CELF4: variants seen among roughly 807,000 people sequenced by gnomAD.
The protein encoded by CELF4 is CUG-BP- and ETR-3-like factor 4.
Under a neutral mutation model 59.9 loss-of-function variants are expected in CELF4, and 18 were observed. The ratio of observed to expected loss-of-function variants is 0.30; its 90% CI spans 0.21 to 0.45. The LOEUF (loss-of-function observed/expected upper bound fraction) is 0.45. Among genes scored for constraint, CELF4 ranks in the 20% least tolerant of loss-of-function variants. The pLI is 1.00. For synonymous variants in CELF4, 261 were observed against 267.1 expected (o/e 0.98, Z 0.22); for missense variants, 456 against 689.0 (o/e 0.66, Z 3.79).
At chr18:37,450,327 G>T (rs917169069) in intron 2 of CELF4, among the ~76,000 whole-genome samples, 3 of 151,766 alleles carry the variant, frequency 2.0e-5, no homozygotes, top group Non-Finnish European at 4.4e-5. Context: ...CCCTCTCTTT[G>T]TGCTATACGT....
intron 1 of CELF4, among the ~76,000 whole-genome samples, chr18:37,521,233 C>T (rs899760079): frequency 2.0e-5 from 3 of 152,048 alleles, no homozygotes; most frequent in Admixed American, 6.6e-5. Context: ...CTCTGAGGTC[C>T]GTGCCAAGTC....
At chr18:37,397,008 G>GCCACA (rs2099253332) in intron 2 of CELF4, among the ~76,000 whole-genome samples, 1 of 152,204 alleles carries the variant, frequency 6.6e-6, no homozygotes, top group Non-Finnish European at 1.5e-5. Flanking sequence ...CAAGCTATTG[G>GCCACA]TGTGCCTGCC....
chr18:37,535,201 C>T (rs1258834163), intron 1 of CELF4, among the ~76,000 whole-genome samples: 1 of 152,154 alleles, frequency 6.6e-6, no homozygotes, highest in Non-Finnish European at 1.5e-5. Context: ...ATTGGTGATT[C>T]TGGAATTAAA....
chr18:37,303,981 C>T (rs1359171092), intron 3 of CELF4, among the ~76,000 whole-genome samples: 1 of 152,232 alleles, frequency 6.6e-6, no homozygotes, highest in Non-Finnish European at 1.5e-5. Context: ...TGCCAGACAC[C>T]TGCCTAGGCC....
intron 2 of CELF4, among the ~76,000 whole-genome samples, chr18:37,373,989 C>A (rs1199280407): frequency 1.3e-5 from 2 of 152,242 alleles, no homozygotes; most frequent in Non-Finnish European, 2.9e-5. Flanking sequence ...CATACATCAG[C>A]TCTCACCAAA....
intron 2 of CELF4, among the ~76,000 whole-genome samples, chr18:37,472,856 G>C (rs908876168): frequency 1.3e-5 from 2 of 152,332 alleles, no homozygotes; most frequent in African/African-American, 4.8e-5. Flanking sequence ...AAACTGGCTG[G>C]GGCTGAGGAC....
intron 2 of CELF4, among the ~76,000 whole-genome samples, chr18:37,387,218 C>T (rs972010820): frequency 3.9e-5 from 6 of 152,258 alleles, no homozygotes; most frequent in South Asian, 2.1e-4. Context: ...TGCCTTTTCC[C>T]GGCAACCAGG....
intron 1 of CELF4, among the ~76,000 whole-genome samples, chr18:37,562,596 T>C (rs2099986903): frequency 6.6e-6 from 1 of 152,144 alleles, no homozygotes; most frequent in Non-Finnish European, 1.5e-5. Context: ...AGAAACCAAA[T>C]GCAACACTCA....
intron 1 of CELF4, among the ~76,000 whole-genome samples, chr18:37,511,204 A>G (rs1335639524): frequency 6.6e-6 from 1 of 151,980 alleles, no homozygotes; most frequent in Non-Finnish European, 1.5e-5. Flanking sequence ...GTCCTTAGTT[A>G]CTCACTCACC....
intron 2 of CELF4, 25 bp downstream of exon 2, chr18:37,485,500 T>A: frequency 7.6e-7 from 1 of 1,310,228 alleles, no homozygotes. Flanking sequence ...CGTCGGCCGC[T>A]TGCGCCACGG....
chr18:37,540,586 A>G (rs58732952), intron 1 of CELF4, among the ~76,000 whole-genome samples: 8,589 of 152,216 alleles, frequency 0.056, 745 homozygotes, highest in African/African-American at 0.19. Context: ...CTCCAGACGC[A>G]GCAGTGGGGC....
intron 2 of CELF4, among the ~76,000 whole-genome samples, chr18:37,342,270 G>A (rs958539062): frequency 7.3e-6 from 1 of 136,598 alleles, no homozygotes; most frequent in Non-Finnish European, 1.6e-5. Flanking sequence ...CACACACGCT[G>A]GGCACATGGC....
At chr18:37,441,933 C>G (rs62083625) in intron 2 of CELF4, among the ~76,000 whole-genome samples, 1 of 144,922 alleles carries the variant, frequency 6.9e-6, no homozygotes, top group African/African-American at 2.6e-5. Context: ...TCACCGAAAC[C>G]GCAAAGACCC....
chr18:37,448,461 A>G (rs2154601516), intron 2 of CELF4, among the ~76,000 whole-genome samples: 1 of 152,302 alleles, frequency 6.6e-6, no homozygotes, highest in Non-Finnish European at 1.5e-5. Flanking sequence ...TTCACACGGT[A>G]TGGCCCTATG....
chr18:37,347,221 A>G (rs1328492631), intron 2 of CELF4, among the ~76,000 whole-genome samples: 3 of 152,074 alleles, frequency 2.0e-5, no homozygotes, highest in African/African-American at 7.2e-5. Context: ...GGAGCCCCAG[A>G]GCGTGGAGGA....
At chr18:37,309,543 T>A (rs1051890788) in intron 3 of CELF4, among the ~76,000 whole-genome samples, 1 of 151,898 alleles carries the variant, frequency 6.6e-6, no homozygotes, top group African/African-American at 2.4e-5. Context: ...AAAAAGCAGA[T>A]CCCGCTAACA....
At chr18:37,392,237 C>T (rs1409086237) in intron 2 of CELF4, among the ~76,000 whole-genome samples, 6 of 152,180 alleles carry the variant, frequency 3.9e-5, no homozygotes, top group South Asian at 2.1e-4. Context: ...GGCTCCGTCA[C>T]GGAGAGAAGA....
intron 2 of CELF4, among the ~76,000 whole-genome samples, chr18:37,401,883 C>T (rs1381434339): frequency 6.6e-6 from 1 of 152,250 alleles, no homozygotes; most frequent in Non-Finnish European, 1.5e-5. Flanking sequence ...TTGGCTTGAC[C>T]TGGGGCCTGG....
At chr18:37,262,031 T>C (rs1427268377) in intron 10 of CELF4, among the ~76,000 whole-genome samples, 1 of 152,126 alleles carries the variant, frequency 6.6e-6, no homozygotes, top group East Asian at 1.9e-4. Flanking sequence ...TGCGCCTGTC[T>C]CTCCCTGGCC....
Sources: gnomAD v4.1 joint callset for allele counts (sites outside exome capture counted in the v4.1 genomes callset) on GRCh38, gnomAD v4.1.1 for gene constraint, MANE v1.5 for transcripts, NCBI Gene and HGNC (gene_info 2026-07-23, HGNC 2026-07-21) for gene names.